Variants in SESN1 observed in about 807,000 individuals in gnomAD.
The protein encoded by SESN1 is sestrin 1, also known as sestrin-1.
SESN1 carries 30 observed loss-of-function variants against 59.3 expected under a neutral mutation model. The observed-to-expected ratio is 0.51, with a 90% confidence interval of 0.38 to 0.69. SESN1 has a LOEUF of 0.69. SESN1 is among the 30% of genes least tolerant of loss of function. SESN1 has a pLI of 0.00. For missense variants in SESN1, 566 were observed against 673.0 expected (o/e 0.84, Z 1.76); for synonymous variants, 197 against 219.9 (o/e 0.90, Z 0.92).
intron 6 of SESN1, among the ~76,000 whole-genome samples, chr6:108,993,620 T>C (rs1779438875): frequency 6.6e-6 from 1 of 152,202 alleles, no homozygotes; most frequent in South Asian, 2.1e-4. Flanking sequence ...ATAAACTTTT[T>C]CTCCTTTAAA....
intron 4 of SESN1, chr6:108,998,990 T>C (rs894352874): frequency 4.2e-5 from 14 of 337,210 alleles, no homozygotes; most frequent in South Asian, 2.9e-4. Flanking sequence ...TTCTGAAATA[T>C]TGACTTAAAA....
At chr6:109,092,807 A>G (rs903534734) in intron 1 of SESN1, among the ~76,000 whole-genome samples, 1 of 152,218 alleles carries the variant, frequency 6.6e-6, no homozygotes, top group Non-Finnish European at 1.5e-5. Flanking sequence ...CCAAAGTGTT[A>G]GTGAGAAGAA....
Position 109,056,528 on chromosome 6 carries a change from G to C in SESN1, c.279+37267C>G, listed in dbSNP as rs9968981. Among the ~76,000 whole-genome samples the C allele has an allele frequency of 2.2e-3, 333 of 152,298 alleles. 3 individuals carry two copies. The highest frequency in any genetic ancestry group is 7.9e-3 in the African/African-American group (327 of 41,558). ...AGTAGTCACTGTCATCAAATGCCCT[G>C]GTAGTGGCAGAAAATGGACAGTAGG... On this transcript the variant is annotated intron_variant, in intron 1 of 9. Transcript: ENST00000436639.
intron 8 of SESN1, among the ~76,000 whole-genome samples, chr6:108,989,850 C>G (rs1779327015): frequency 6.6e-6 from 1 of 152,060 alleles, no homozygotes; most frequent in African/African-American, 2.4e-5. Context: ...ACTGAAGTCT[C>G]CTATTGAGTT....
chr6:109,015,797 C>T (rs1779918981), intron 1 of SESN1, among the ~76,000 whole-genome samples: 1 of 152,068 alleles, frequency 6.6e-6, no homozygotes, highest in Admixed American at 6.6e-5. Context: ...TAAATATATG[C>T]AAGTAGAAAA....
At chr6:109,050,231 C>G (rs1254607037) in intron 1 of SESN1, among the ~76,000 whole-genome samples, 1 of 152,134 alleles carries the variant, frequency 6.6e-6, no homozygotes, top group Admixed American at 6.5e-5. Context: ...TGGCCCAACT[C>G]AGAGCTGTTC....
At chr6:109,005,637 A>G (rs990411138) in intron 1 of SESN1, among the ~76,000 whole-genome samples, 16 of 152,286 alleles carry the variant, frequency 1.1e-4, no homozygotes, top group African/African-American at 3.6e-4. Context: ...CAAGGGTTCT[A>G]TGTAATTCTT....
chr6:109,084,635 A>C (rs1430749019), intron 1 of SESN1, among the ~76,000 whole-genome samples: 1 of 152,218 alleles, frequency 6.6e-6, no homozygotes, highest in Non-Finnish European at 1.5e-5. Context: ...AGGTGATTTT[A>C]TAATAAATGA....
chr6:109,068,046 A>T (rs1338286252), intron 1 of SESN1, among the ~76,000 whole-genome samples: 1 of 152,214 alleles, frequency 6.6e-6, no homozygotes, highest in Non-Finnish European at 1.5e-5. Flanking sequence ...GGCTTCTCTT[A>T]TAGCTGCAGA....
In SESN1 at chr6:109,018,925, C is replaced by A. The variant is rs145652126; in HGVS notation, c.280-16582G>T. The stretch of plus-strand genomic sequence containing the variant: ...CACAAAAGCACTTACCTGTGTGAAT[C>A]AGATTTTCTTGATATTATGCATATA... On this transcript the variant is annotated intron_variant, in intron 1 of 9. Coordinates refer to ENST00000436639, the MANE Select transcript of SESN1 (RefSeq NM_014454.3). Among the ~76,000 whole-genome samples, 1,326 of 152,226 alleles carry A rather than the reference C, an allele frequency of 8.7e-3. 25 individuals are homozygous for A. The highest frequency in any genetic ancestry group is 0.03 in the African/African-American group (1,257 of 41,522).
At chr6:109,072,464 G>C (rs1408153940) in intron 1 of SESN1, among the ~76,000 whole-genome samples, 1 of 152,148 alleles carries the variant, frequency 6.6e-6, no homozygotes, top group African/African-American at 2.4e-5. Flanking sequence ...CATGTTTTTA[G>C]AGAAAGGTAA....
At chr6:108,990,934 A>G (rs551195232) in intron 7 of SESN1, 99 bp from the exon 8 acceptor site, 2 of 1,048,414 alleles carry the variant, frequency 1.9e-6, no homozygotes, top group Non-Finnish European at 1.4e-6. Flanking sequence ...CATTTGGCTG[A>G]CAATCCAACT....
At chr6:108,998,336 G>A in intron 5 of SESN1, 177 bp downstream of exon 5, 4 of 627,756 alleles carry the variant, frequency 6.4e-6, no homozygotes, top group Non-Finnish European at 8.1e-6. Flanking sequence ...ATATCACCTA[G>A]ACTAGTGATG....
In SESN1 at chr6:109,002,361, A is replaced by T; in HGVS notation, c.280-18T>A. On this transcript the variant is annotated intron_variant, in intron 1 of 9. Transcript: ENST00000436639. ...CCAAGTTCCTAGAAAAGAAAATTAC[A>T]CCATCTCAGGCCTTTGGCAGTAAAC... 6.2e-7 allele frequency: 1 copy of T among 1,606,648 alleles called. No homozygotes were observed. The highest frequency in any genetic ancestry group is 1.3e-5 in the African/African-American group (1 of 74,864).
chr6:109,061,759 G>A (rs111689647), intron 1 of SESN1, among the ~76,000 whole-genome samples: 22 of 151,930 alleles, frequency 1.4e-4, no homozygotes, highest in East Asian at 9.7e-4. Flanking sequence ...AACTGAGAGC[G>A]CACCACTGCA....
chr6:109,013,520 A>C (rs187640556), intron 1 of SESN1, among the ~76,000 whole-genome samples: 134 of 152,326 alleles, frequency 8.8e-4, no homozygotes, highest in Non-Finnish European at 1.5e-3. Context: ...TAAAAAGTAT[A>C]ATCAATTCAT....
chr6:108,996,728 G>A (rs1779509042), intron 5 of SESN1, among the ~76,000 whole-genome samples: 2 of 151,948 alleles, frequency 1.3e-5, no homozygotes, highest in South Asian at 4.1e-4. Flanking sequence ...ACCCAGTCTT[G>A]GGTATGTCTT....
At chr6:108,994,753 A>G in intron 5 of SESN1, 144 bp from the exon 6 acceptor site, 1 of 648,342 alleles carries the variant, frequency 1.5e-6, no homozygotes, top group Non-Finnish European at 2.2e-6. Context: ...CCCAGGCTGC[A>G]GTGCAGTGGC....
At position 109,001,471 on chromosome 6, in the gene SESN1, A is replaced by C. The variant is rs774482265; in HGVS notation, c.363T>G (p.Ser121Arg). Reference sequence around the variant, plus strand: ...ATAAAGCATGCATCTGTGCGTCTTCACTCCCCACTTGGAGGATCTGTATAA... The same window carrying C: ...ATAAAGCATGCATCTGTGCGTCTTCCCTCCCCACTTGGAGGATCTGTATAA... ...IPEKEILQVGSEDAQMHALFA... is the reference protein window; with the variant it reads ...IPEKEILQVGREDAQMHALFA... The change falls in exon 3 of 10, where the codon AGT becomes AGG. Residue 121 changes from serine (S) to arginine (R), a missense_variant. Ser to Arg is a moderately radical substitution (Grantham distance 110, BLOSUM62 -1). Transcript: ENST00000436639. 7.7e-5 allele frequency: 124 copies of C among 1,613,136 alleles called. No individual in the cohort carries two copies. The highest frequency in any genetic ancestry group is 1.1e-4 in the Non-Finnish European group (124 of 1,179,558).
Sources: gnomAD v4.1 joint callset for allele counts (sites outside exome capture counted in the v4.1 genomes callset) on GRCh38, gnomAD v4.1.1 for gene constraint, MANE v1.5 for transcripts, NCBI Gene and HGNC (gene_info 2026-07-23, HGNC 2026-07-21) for gene names.